Variants in ZFYVE28 observed in about 807,000 individuals in gnomAD.
The protein encoded by ZFYVE28 is lateral signaling target protein 2 homolog.
ZFYVE28 carries 40 observed loss-of-function variants against 82.1 expected under a neutral mutation model. That is an observed-to-expected ratio of 0.49 (90% CI 0.38 to 0.63). ZFYVE28 has a LOEUF of 0.63. Ranked by LOEUF, ZFYVE28 falls within the 30% of genes least tolerant of loss-of-function variation. ZFYVE28 has a pLI of 0.00. For synonymous variants in ZFYVE28, 612 were observed against 546.1 expected, an observed-to-expected ratio of 1.12 and a Z score of -1.68; for missense variants, 1,321 against 1,242.1, an observed-to-expected ratio of 1.06 and a Z score of -0.96.
intron 7 of ZFYVE28, among the ~76,000 whole-genome samples, chr4:2,315,168 C>T (rs1379301538): frequency 1.3e-5 from 2 of 152,134 alleles, no homozygotes; most frequent in South Asian, 2.1e-4. Context: ...ATAACAAATT[C>T]CTTCAGTTCT....
At chr4:2,327,201 G>A (rs1302372533) in intron 6 of ZFYVE28, among the ~76,000 whole-genome samples, 1 of 142,858 alleles carries the variant, frequency 7.0e-6, no homozygotes, top group Non-Finnish European at 1.5e-5. Context: ...AGTGAGCTGA[G>A]ATCGCACCAC....
chr4:2,314,466 A>G (rs1201141369), intron 7 of ZFYVE28, among the ~76,000 whole-genome samples: 4 of 152,078 alleles, frequency 2.6e-5, no homozygotes, highest in Admixed American at 6.6e-5. Context: ...CATTTGTTGT[A>G]TCTTCTCTTT....
At chr4:2,314,223 T>G (rs1241527105) in intron 7 of ZFYVE28, among the ~76,000 whole-genome samples, 1 of 152,228 alleles carries the variant, frequency 6.6e-6, no homozygotes, top group East Asian at 1.9e-4. Context: ...ACAACAACTT[T>G]CTTTGGGTGG....
chr4:2,328,918 A>G, intron 6 of ZFYVE28: 1 of 430,982 alleles, frequency 2.3e-6, no homozygotes, highest in Non-Finnish European at 4.1e-6. Flanking sequence ...CCCCCTTGTC[A>G]ATAATCAGTT....
At position 2,341,657 on chromosome 4, in the gene ZFYVE28, C is replaced by T. The variant is rs762626246; in HGVS notation, c.181-42G>A. 19 of 1,589,074 alleles carry T rather than the reference C, an allele frequency of 1.2e-5. No homozygotes were observed. In the South Asian group the frequency reaches 1.2e-4, roughly 10 times the overall value. Reference sequence around the variant, plus strand: ...GAGAAAGTGCGCCAATCGCTGTGTCCAGCTGGCGGCCGCCATGTACTGCTG... The same window carrying T: ...GAGAAAGTGCGCCAATCGCTGTGTCTAGCTGGCGGCCGCCATGTACTGCTG... On this transcript the variant is annotated intron_variant, in intron 2 of 12. Coordinates refer to ENST00000290974, the MANE Select transcript of ZFYVE28 (RefSeq NM_020972.3). The surrounding 1 kb of genome is among the most constrained non-coding windows in gnomAD (Gnocchi z 4.5).
intron 8 of ZFYVE28, among the ~76,000 whole-genome samples, chr4:2,292,282 T>C (rs758310818): frequency 1.2e-4 from 18 of 152,320 alleles, no homozygotes; most frequent in South Asian, 4.1e-4. Context: ...GAGACCCAGC[T>C]GGCAAAGCTC....
chr4:2,280,144 T>G (rs989734998), intron 8 of ZFYVE28, among the ~76,000 whole-genome samples: 2 of 152,194 alleles, frequency 1.3e-5, no homozygotes, highest in Non-Finnish European at 2.9e-5. Context: ...CATATCCCTA[T>G]GGTGAAACAA....
chr4:2,396,753 C>T (rs1377859671), intron 1 of ZFYVE28, among the ~76,000 whole-genome samples: 1 of 143,608 alleles, frequency 7.0e-6, no homozygotes, highest in Non-Finnish European at 1.5e-5. Context: ...GCTGATGGGA[C>T]CAGCCATCCT....
intron 1 of ZFYVE28, among the ~76,000 whole-genome samples, chr4:2,410,592 T>C (rs933442766): frequency 6.6e-6 from 1 of 151,964 alleles, no homozygotes; most frequent in African/African-American, 2.4e-5. Flanking sequence ...GCCTCCCAGG[T>C]TCACGCCATT....
At chr4:2,308,677 GAGAAAGAAAGA>G (rs1560182413) in intron 7 of ZFYVE28, among the ~76,000 whole-genome samples, 11 of 76,532 alleles carry the variant, frequency 1.4e-4, no homozygotes, top group East Asian at 7.2e-4. Context: ...AAGAAAGAAA[GAGAAAGAAAGA>G]AAAGAAAAGA....
intron 1 of ZFYVE28, among the ~76,000 whole-genome samples, chr4:2,383,547 C>T (rs916406280): frequency 6.6e-6 from 1 of 152,162 alleles, no homozygotes; most frequent in Non-Finnish European, 1.5e-5. Context: ...CCCTTAGTGG[C>T]AGCGCACTTA....
chr4:2,271,743 C>A lies in ZFYVE28; in HGVS notation c.2360G>T (p.Cys787Phe). The change falls in exon 11 of 13, where the codon TGT becomes TTT. Residue 787 changes from cysteine to phenylalanine, a missense_variant. Cys to Phe is a radical substitution (Grantham distance 205). Transcript: ENST00000290974. ...TGACAGGGTCTCCTGGCACAGTGCACAGTCCTCCAAGGCCGCACTCCGCAG... is the reference window on the plus strand; with the variant it reads ...TGACAGGGTCTCCTGGCACAGTGCAAAGTCCTCCAAGGCCGCACTCCGCAG... Reference protein sequence around the residue: ...QTLRSAALEDCALCQETLSSS... With the variant: ...QTLRSAALEDFALCQETLSSS... 6.2e-7 allele frequency: 1 copy of A among 1,613,870 alleles called. No homozygotes were observed. The highest frequency in any genetic ancestry group is 8.5e-7 in the Non-Finnish European group (1 of 1,179,980).
chr4:2,291,037 G>A (rs1265414258), intron 8 of ZFYVE28, among the ~76,000 whole-genome samples: 8 of 152,224 alleles, frequency 5.3e-5, no homozygotes, highest in African/African-American at 1.9e-4. Context: ...GTGCCTGCAC[G>A]TGTGCTCCTG....
chr4:2,325,742 C>T (rs1333165804), intron 6 of ZFYVE28, among the ~76,000 whole-genome samples: 1 of 152,044 alleles, frequency 6.6e-6, no homozygotes, highest in Non-Finnish European at 1.5e-5. Context: ...GCTGGGACTA[C>T]AGGCACACAC....
intron 2 of ZFYVE28, among the ~76,000 whole-genome samples, chr4:2,345,883 C>T (rs954771064): frequency 3.3e-5 from 5 of 151,832 alleles, no homozygotes; most frequent in African/African-American, 1.2e-4. Flanking sequence ...GAGAATGAAA[C>T]AACATCTTTA....
chr4:2,270,807 C>T lies in ZFYVE28; in HGVS notation c.2582G>A (p.Gly861Glu). The stretch of plus-strand genomic sequence containing the variant: ...GCACACTCGGACCGGCTTCACCTGC[C>T]CGTAGCGGGGCAGCGGTGCTGAGTG... ...SSHSAPLPRY[G>E]QVKPVRVCTH... Residue 861 changes from glycine to glutamate, a missense_variant, in exon 13 of 13, where the codon GGG (glycine) becomes GAG (glutamate). This residue lies in a region of ZFYVE28 where 978 missense variants were observed against 833.7 expected (regional missense o/e 1.17). Coordinates refer to ENST00000290974, the MANE Select transcript of ZFYVE28 (RefSeq NM_020972.3). 1 of 1,613,078 alleles carries T rather than the reference C, an allele frequency of 6.2e-7. No individual in the cohort carries two copies. The highest frequency in any genetic ancestry group is 8.5e-7 in the Non-Finnish European group (1 of 1,179,932).
At chr4:2,413,752 A>C (rs1280280625) in intron 1 of ZFYVE28, among the ~76,000 whole-genome samples, 1 of 152,236 alleles carries the variant, frequency 6.6e-6, no homozygotes, top group African/African-American at 2.4e-5. Flanking sequence ...TGTGCTTGGC[A>C]TGGGGCATGG....
rs111456020 is a variant in ZFYVE28 at position 2,364,669 on chromosome 4, T to C, written c.40-10596A>G. The C allele has an allele frequency of 8.1e-6, 8 of 985,366 alleles. No individual in the cohort carries two copies. The African/African-American group carries it at 1.0e-4, about 13-fold the overall frequency. The allele number at this position is 985,366 out of a possible 1,614,324, so 61.0% of individuals were successfully genotyped here. ...GGGCTTAAGGACGCAGAGAACCCGC[T>C]TAGCCTGGACAAGCCCTTAGCACCT... On this transcript the variant is annotated intron_variant, in intron 1 of 12. Coordinates refer to ENST00000290974, the MANE Select transcript of ZFYVE28 (RefSeq NM_020972.3).
chr4:2,375,275 G>T (rs1727999466), intron 1 of ZFYVE28, among the ~76,000 whole-genome samples: 1 of 152,172 alleles, frequency 6.6e-6, no homozygotes, highest in African/African-American at 2.4e-5. Flanking sequence ...TTATAATTAA[G>T]TCATTCCAAC....
Sources: allele counts gnomAD v4.1 joint callset (sites outside exome capture counted in the v4.1 genomes callset), GRCh38; gene constraint gnomAD v4.1.1; regional missense constraint gnomAD v4.1.1; non-coding constraint Gnocchi (gnomAD v3.1); transcripts MANE v1.5; gene names NCBI Gene and HGNC (gene_info 2026-07-23, HGNC 2026-07-21).